The following UPRT variants were observed in gnomAD, a reference collection of about 807,000 sequenced individuals.
The protein encoded by UPRT is RP11-311P8.3.
UPRT carries 5 observed loss-of-function variants against 22.6 expected under a neutral mutation model. That is an observed-to-expected ratio of 0.22 (90% CI 0.12 to 0.47). The LOEUF is 0.47. UPRT is among the 20% of genes least tolerant of loss of function. UPRT has a pLI of 0.99. For missense variants in UPRT, 181 were observed against 239.9 expected (o/e 0.75, Z 1.62); for synonymous variants, 77 against 87.7 (o/e 0.88, Z 0.68).
At chrX:75,287,574 GGAAA>G (rs1465389570) in intron 1 of UPRT, among the ~76,000 whole-genome samples, 1 of 111,133 alleles carries the variant, frequency 9.0e-6, no homozygotes, top group Non-Finnish European at 1.9e-5. Flanking sequence ...TTAATATTTA[GGAAA>G]GAGTCAGGTT....
At chrX:75,282,740 G>A (rs1021406162) in intron 1 of UPRT, among the ~76,000 whole-genome samples, 2 of 111,453 alleles carry the variant, frequency 1.8e-5, no homozygotes, top group East Asian at 5.6e-4. Context: ...AATAGAATAT[G>A]TATTCTGCAG....
intron 4 of UPRT, among the ~76,000 whole-genome samples, chrX:75,222,324 T>C (rs1321509414): frequency 9.0e-6 from 1 of 111,607 alleles, no homozygotes; most frequent in Non-Finnish European, 1.9e-5. Context: ...CAAGACCCAC[T>C]GTAACCACTA....
chrX:75,191,306 G>A (rs2082314182), intron 4 of UPRT, among the ~76,000 whole-genome samples: 1 of 112,312 alleles, frequency 8.9e-6, no homozygotes, highest in African/African-American at 3.2e-5. Context: ...TTGCTGAACA[G>A]CAAATGTTGC....
intron 4 of UPRT, among the ~76,000 whole-genome samples, chrX:75,177,445 C>A (rs949592109): frequency 9.0e-6 from 1 of 110,975 alleles, no homozygotes; most frequent in Non-Finnish European, 1.9e-5. Context: ...GAGGACCGAC[C>A]GAGAAAAATC....
At chrX:75,217,823 T>C (rs1042328959) in intron 4 of UPRT, among the ~76,000 whole-genome samples, 1 of 112,306 alleles carries the variant, frequency 8.9e-6, no homozygotes, top group Non-Finnish European at 1.9e-5. Context: ...CTGGGAAAAC[T>C]GGCTAGCCAG....
At chrX:75,196,415 A>T (rs915012291) in intron 4 of UPRT, among the ~76,000 whole-genome samples, 2 of 112,751 alleles carry the variant, frequency 1.8e-5, no homozygotes, top group Admixed American at 9.4e-5. Context: ...CGAATTATTG[A>T]TCAAAAGCTC....
intron 4 of UPRT, among the ~76,000 whole-genome samples, chrX:75,266,317 C>G (rs1198282063): frequency 9.0e-6 from 1 of 111,401 alleles, no homozygotes; most frequent in Non-Finnish European, 1.9e-5. Flanking sequence ...TTTGACAAAT[C>G]TGACAAAAAC....
At chrX:75,186,679 G>A (rs1170708510) in intron 4 of UPRT, among the ~76,000 whole-genome samples, 1 of 111,881 alleles carries the variant, frequency 8.9e-6, no homozygotes, top group Non-Finnish European at 1.9e-5. Context: ...AGGCCACTAA[G>A]GACTTGCTTT....
chrX:75,220,822 T>C (rs1225092860), intron 4 of UPRT, among the ~76,000 whole-genome samples: 1 of 112,046 alleles, frequency 8.9e-6, no homozygotes, highest in Admixed American at 9.5e-5. Context: ...GTTCATCTTT[T>C]AGTCCTTCTA....
At chrX:75,175,697 A>G (rs2082244351) in intron 4 of UPRT, among the ~76,000 whole-genome samples, 1 of 111,595 alleles carries the variant, frequency 9.0e-6, no homozygotes, top group African/African-American at 3.3e-5. Context: ...GTGGACATGG[A>G]TGAGGGGGCA....
intron 4 of UPRT, among the ~76,000 whole-genome samples, chrX:75,236,456 T>C (rs1475943294): frequency 1.8e-5 from 2 of 111,259 alleles, no homozygotes; most frequent in Non-Finnish European, 3.8e-5. Flanking sequence ...TACTTTAAAG[T>C]TCATATGGAA....
intron 4 of UPRT, among the ~76,000 whole-genome samples, chrX:75,194,300 C>G (rs1378192563): frequency 2.7e-5 from 3 of 111,481 alleles, no homozygotes; most frequent in Admixed American, 9.5e-5. Context: ...TGGCTTTTTT[C>G]TCTGGCCCCT....
chrX:75,282,182 A>C (rs1382438232), intron 1 of UPRT, among the ~76,000 whole-genome samples: 4 of 109,871 alleles, frequency 3.6e-5, no homozygotes, highest in Non-Finnish European at 7.6e-5. Context: ...CTAATAGTCT[A>C]TTAATTTAAT....
Position 75,274,613 on chromosome X carries a change from G to T in UPRT, c.359G>T (p.Arg120Leu), listed in dbSNP as rs748782249. ...CTGCTGCCTATGAATGATCAGATACGGGAGCTACAGACCATCATCCGTGAC... is the reference window on the plus strand; with the variant it reads ...CTGCTGCCTATGAATGATCAGATACTGGAGCTACAGACCATCATCCGTGAC... ...LKLLPMNDQI[R>L]ELQTIIRDKT... Residue 120 changes from arginine (R) to leucine (L), a missense_variant, in exon 1 of 7, where the codon CGG (arginine) becomes CTG (leucine). Transcript: ENST00000373383. 4.2e-6 allele frequency: 5 copies of T among 1,200,018 alleles called. No individual in the cohort carries two copies. In the African/African-American group the frequency reaches 8.8e-5, roughly 21 times the overall value.
intron 4 of UPRT, among the ~76,000 whole-genome samples, chrX:75,259,360 A>T (rs898331313): frequency 9.1e-6 from 1 of 109,601 alleles, no homozygotes; most frequent in African/African-American, 3.3e-5. Context: ...CAATGCAAGG[A>T]AGCTAATGGT....
chrX:75,172,834 G>C (rs779191545), intron 4 of UPRT, among the ~76,000 whole-genome samples: 63 of 111,465 alleles, frequency 5.7e-4, no homozygotes, highest in Non-Finnish European at 1.1e-3. Context: ...GATTTTCGCA[G>C]TGAGTGTTAC....
At chrX:75,283,577 C>T (rs987883273) in intron 1 of UPRT, among the ~76,000 whole-genome samples, 2 of 111,257 alleles carry the variant, frequency 1.8e-5, no homozygotes, top group African/African-American at 6.5e-5. Context: ...ACACAAAATT[C>T]TTGGCTGATT....
At chrX:75,297,883 A>G (rs2082731366) in intron 4 of UPRT, 1 of 205,298 alleles carries the variant, frequency 4.9e-6, no homozygotes, top group African/African-American at 2.9e-5. Flanking sequence ...GGAATATGGT[A>G]TAAATTCGGG....
intron 4 of UPRT, among the ~76,000 whole-genome samples, chrX:75,191,148 G>A (rs2082313509): frequency 8.9e-6 from 1 of 111,962 alleles, no homozygotes; most frequent in Non-Finnish European, 1.9e-5. Context: ...ACGTACAGAT[G>A]GGGTTTTGGT....
Sources: gnomAD v4.1 joint callset for allele counts (sites outside exome capture counted in the v4.1 genomes callset) on GRCh38, gnomAD v4.1.1 for gene constraint, MANE v1.5 for transcripts, NCBI Gene and HGNC (gene_info 2026-07-23, HGNC 2026-07-21) for gene names.